ABLIM3: variants seen among roughly 807,000 people sequenced by gnomAD.
The protein encoded by ABLIM3 is actin-binding LIM protein 3.
A neutral mutation model predicts 109.5 loss-of-function variants in ABLIM3; 61 were observed. That is an observed-to-expected ratio of 0.56 (90% CI 0.45 to 0.69). The LOEUF (loss-of-function observed/expected upper bound fraction) is 0.69, where lower values mean the gene tolerates loss of function less well. Among genes scored for constraint, ABLIM3 ranks in the 30% least tolerant of loss-of-function variants. The pLI is 0.00. For missense variants in ABLIM3, 796 were observed against 889.5 expected (o/e 0.89, Z 1.34); for synonymous variants, 300 against 324.8 (o/e 0.92, Z 0.82).
rs150543954 is a variant in ABLIM3 at position 149,251,367 on chromosome 5, C to T, written c.1797C>T (p.Ser599=). 11 of 1,614,028 alleles carry T rather than the reference C, an allele frequency of 6.8e-6. No homozygotes were observed. The African/African-American group carries it at 9.3e-5, about 14-fold the overall frequency. Residue 599 remains serine, a synonymous_variant, in exon 21 of 24, where the codon AGC becomes AGT. Transcript: ENST00000309868. The part of the protein sequence containing the change: ...YRRNGLHRTP[S]ADLFHYDSMN... ...TTCTGTCTCTTCTGCAGACACCCAG[C>T]GCAGACCTCTTCCACTACGACAGCA...
In ABLIM3 at chr5:149,142,074, G is replaced by A. The variant is rs1241112037; in HGVS notation, c.-22G>A. On this transcript the variant is annotated 5_prime_UTR_variant, in exon 2 of 24. Coordinates refer to ENST00000309868, the MANE Select transcript of ABLIM3 (RefSeq NM_014945.5). ...GCCGGGGCCTCCGTATTGAATGAAA[G>A]ACCCAGTGCAAAGACATCACCATGA... The A allele has an allele frequency of 6.2e-7, 1 of 1,611,962 alleles. No individual in the cohort carries two copies. Among genetic ancestry groups the A allele is most frequent in the Non-Finnish European group, 8.5e-7 (1 of 1,179,248 alleles).
chr5:149,251,973 A>G (rs1438879832), intron 21 of ABLIM3, among the ~76,000 whole-genome samples: 1 of 152,126 alleles, frequency 6.6e-6, no homozygotes, highest in Non-Finnish European at 1.5e-5. Context: ...TTTTCCTTAG[A>G]ACCATCTCAA....
chr5:149,149,589 C>T (rs985732477), intron 2 of ABLIM3, among the ~76,000 whole-genome samples: 3 of 152,128 alleles, frequency 2.0e-5, no homozygotes, highest in Non-Finnish European at 4.4e-5. Flanking sequence ...CCCAATTGTC[C>T]TAGTTCAGAA....
chr5:149,192,807 TGTA>T (rs1757620792), intron 3 of ABLIM3, among the ~76,000 whole-genome samples: 2 of 145,128 alleles, frequency 1.4e-5, no homozygotes, highest in Admixed American at 1.3e-4. Context: ...AGAACATCAA[TGTA>T]GTATTATTCC....
intron 23 of ABLIM3, among the ~76,000 whole-genome samples, chr5:149,253,095 C>T (rs1405431290): frequency 6.6e-6 from 1 of 152,114 alleles, no homozygotes; most frequent in East Asian, 1.9e-4. Flanking sequence ...CAAAACTTCC[C>T]CATGCTGTTC....
intron 5 of ABLIM3, among the ~76,000 whole-genome samples, chr5:149,203,458 A>T (rs956930247): frequency 6.6e-6 from 1 of 151,980 alleles, no homozygotes; most frequent in Non-Finnish European, 1.5e-5. Context: ...CTTCTCCACC[A>T]TCGTCACCAT....
chr5:149,222,439 T>A (rs1268001619), intron 8 of ABLIM3, among the ~76,000 whole-genome samples: 1 of 152,052 alleles, frequency 6.6e-6, no homozygotes, highest in Non-Finnish European at 1.5e-5. Context: ...ACTCTATGAG[T>A]CTTCTGAAAT....
intron 12 of ABLIM3, 121 bp downstream of exon 12, chr5:149,239,398 GA>G: frequency 8.7e-7 from 1 of 1,149,840 alleles, no homozygotes. Context: ...TGCAAGCAGG[GA>G]AGTGCTGGAG....
At chr5:149,153,915 A>G (rs1753656054) in intron 2 of ABLIM3, among the ~76,000 whole-genome samples, 1 of 152,202 alleles carries the variant, frequency 6.6e-6, no homozygotes, top group South Asian at 2.1e-4. Context: ...CCTGTGCTAC[A>G]GCCCCACCTT....
chr5:149,194,630 C>T (rs1055786424), intron 3 of ABLIM3, among the ~76,000 whole-genome samples: 2 of 152,170 alleles, frequency 1.3e-5, no homozygotes, highest in Admixed American at 6.5e-5. Flanking sequence ...CGTGCATCGA[C>T]GTGGATGAAT....
At chr5:149,226,768 CAT>C (rs1761325534) in intron 8 of ABLIM3, among the ~76,000 whole-genome samples, 1 of 152,090 alleles carries the variant, frequency 6.6e-6, no homozygotes, top group Non-Finnish European at 1.5e-5. Context: ...CCAGCTTTGG[CAT>C]TAAAAAACAA....
At chr5:149,246,447 A>C in intron 16 of ABLIM3, 35 bp from the exon 17 acceptor site, 1 of 1,607,466 alleles carries the variant, frequency 6.2e-7, no homozygotes, top group Non-Finnish European at 8.5e-7. Flanking sequence ...AGTGGGGTGC[A>C]CATGCCGGAG....
In ABLIM3 at chr5:149,144,365, G is replaced by A. The variant is rs572458357; in HGVS notation, c.13+2257G>A. On this transcript the variant is annotated intron_variant, in intron 2 of 23. Coordinates refer to ENST00000309868, the MANE Select transcript of ABLIM3 (RefSeq NM_014945.5). ...ACCCACGAGTCTGCAAATGCAGAGA[G>A]TAGACATCAGACCTCACAAGAAAAG... 6.6e-5 allele frequency among the ~76,000 whole-genome samples: 10 copies of A among 152,292 alleles called. No homozygotes were observed. The Middle Eastern group carries it at 0.01, about 156-fold the overall frequency.
chr5:149,181,635 G>A (rs964358389), intron 2 of ABLIM3, among the ~76,000 whole-genome samples: 3 of 152,232 alleles, frequency 2.0e-5, no homozygotes, highest in Non-Finnish European at 4.4e-5. Context: ...CAGGATACCT[G>A]TAAATGGGAG....
At chr5:149,163,394 A>C (rs1002773332) in intron 2 of ABLIM3, among the ~76,000 whole-genome samples, 1 of 137,528 alleles carries the variant, frequency 7.3e-6, no homozygotes, top group African/African-American at 2.9e-5. Context: ...AATTATTTAC[A>C]GTCTATCTTA....
chr5:149,173,015 A>G (rs1650461546), intron 2 of ABLIM3, among the ~76,000 whole-genome samples: 1 of 152,238 alleles, frequency 6.6e-6, no homozygotes, highest in Non-Finnish European at 1.5e-5. Flanking sequence ...GAATTGCAGT[A>G]TGACAGAGAA....
chr5:149,186,031 T>C (rs908692672), intron 3 of ABLIM3, among the ~76,000 whole-genome samples: 10 of 152,168 alleles, frequency 6.6e-5, no homozygotes, highest in African/African-American at 2.4e-4. Context: ...CTGTTTCCCC[T>C]GAAAAAAATA....
chr5:149,242,474 C>T lies in ABLIM3; in HGVS notation c.1304-17C>T. 6.2e-7 allele frequency: 1 copy of T among 1,613,930 alleles called. No individual in the cohort carries two copies. Among genetic ancestry groups the T allele is most frequent in the Non-Finnish European group, 8.5e-7 (1 of 1,179,798 alleles). ...CTCTCTCCCCTCCCCACTGTCCCTT[C>T]CTGGTCTGTCTGGCAGCTGGAGACA... On this transcript the variant is annotated splice_polypyrimidine_tract_variant and intron_variant, in intron 14 of 23. Coordinates refer to ENST00000309868, the MANE Select transcript of ABLIM3 (RefSeq NM_014945.5).
intron 15 of ABLIM3, among the ~76,000 whole-genome samples, chr5:149,243,117 A>G (rs1753026010): frequency 6.6e-6 from 1 of 152,210 alleles, no homozygotes; most frequent in Non-Finnish European, 1.5e-5. Context: ...TCATTGATTT[A>G]GTGTTTCTTA....
Sources: allele counts gnomAD v4.1 joint callset (sites outside exome capture counted in the v4.1 genomes callset), GRCh38; gene constraint gnomAD v4.1.1; transcripts MANE v1.5; gene names NCBI Gene and HGNC (gene_info 2026-07-23, HGNC 2026-07-21).